The following SAMD5 variants were observed in gnomAD, a reference collection of about 807,000 sequenced individuals.
The protein encoded by SAMD5 is sterile alpha motif domain-containing protein 5.
SAMD5 carries 13 observed loss-of-function variants against 11.3 expected under a neutral mutation model. The ratio of observed to expected loss-of-function variants is 1.15; its 90% CI spans 0.75 to 1.83. SAMD5 has a LOEUF of 1.83. Ranked by LOEUF, SAMD5 falls within the 40% of genes most tolerant of loss-of-function variation. The probability of loss-of-function intolerance (pLI) is 0.00; values close to 1 mark genes in which losing one functional copy is unlikely to be tolerated. For synonymous variants in SAMD5, 129 were observed against 111.3 expected, an observed-to-expected ratio of 1.16 and a Z score of -1.00; for missense variants, 255 against 239.1, an observed-to-expected ratio of 1.07 and a Z score of -0.44.
intron 1 of SAMD5, among the ~76,000 whole-genome samples, chr6:147,608,606 G>T (rs1238527916): frequency 2.0e-5 from 3 of 152,122 alleles, no homozygotes; most frequent in Non-Finnish European, 4.4e-5. Context: ...TTGAACTCAT[G>T]GTTATAGAGA....
the SAMD5 span, among the ~76,000 whole-genome samples, chr6:147,902,103 T>C: frequency 6.6e-6 from 1 of 152,060 alleles, no homozygotes; most frequent in Non-Finnish European, 1.5e-5. Flanking sequence ...ATTGTGGCTT[T>C]CTAATTTAAG....
the SAMD5 span, among the ~76,000 whole-genome samples, chr6:147,857,408 G>A: frequency 7.9e-5 from 12 of 151,730 alleles, no homozygotes; most frequent in South Asian, 4.2e-4. Context: ...TCCAGTGGCC[G>A]TGGTGGGAGG....
At chr6:147,541,138 C>G (rs1379295134) in intron 1 of SAMD5, among the ~76,000 whole-genome samples, 1 of 151,856 alleles carries the variant, frequency 6.6e-6, no homozygotes, top group Non-Finnish European at 1.5e-5. Context: ...TTAGTAGAGA[C>G]AGGGTTTCAC....
the SAMD5 span, among the ~76,000 whole-genome samples, chr6:147,872,009 A>T: frequency 6.6e-6 from 1 of 152,210 alleles, no homozygotes; most frequent in Non-Finnish European, 1.5e-5. Context: ...AGAAAAGGAG[A>T]ACAGTCTTAC....
the SAMD5 span, among the ~76,000 whole-genome samples, chr6:147,812,100 A>C: frequency 2.0e-5 from 3 of 152,190 alleles, no homozygotes; most frequent in African/African-American, 7.2e-5. Context: ...GAGTGACTCC[A>C]GGAAGCAGCA....
intron 1 of SAMD5, among the ~76,000 whole-genome samples, chr6:147,627,323 C>T (rs1024293273): frequency 5.3e-5 from 8 of 152,042 alleles, no homozygotes; most frequent in African/African-American, 1.2e-4. Flanking sequence ...TTTAGAGGAC[C>T]GGGGTGGTGT....
At chr6:147,881,567 C>G in the SAMD5 span, among the ~76,000 whole-genome samples, 4 of 152,194 alleles carry the variant, frequency 2.6e-5, no homozygotes, top group Non-Finnish European at 5.9e-5. Context: ...ATTTTCAGAA[C>G]AAAGCACCAG....
the SAMD5 span, among the ~76,000 whole-genome samples, chr6:147,876,777 T>A: frequency 1.3e-5 from 2 of 152,206 alleles, no homozygotes; most frequent in African/African-American, 4.8e-5. Context: ...TTATTTCTGC[T>A]ACTACCATTA....
chr6:147,632,099 G>T (rs1043276334), intron 1 of SAMD5, among the ~76,000 whole-genome samples: 10 of 152,186 alleles, frequency 6.6e-5, no homozygotes, highest in African/African-American at 2.4e-4. Flanking sequence ...AGAAAAACTT[G>T]CCATGAGGGA....
In SAMD5 at chr6:147,677,203, T is replaced by C. The variant is rs946968265; in HGVS notation, c.163-60114T>C. Among the ~76,000 whole-genome samples, 6 of 152,190 alleles carry C rather than the reference T, an allele frequency of 3.9e-5. 1 individual carries two copies. Among genetic ancestry groups the C allele is most frequent in the East Asian group, 1.9e-4 (1 of 5,156 alleles). On this transcript the variant is annotated intron_variant, in intron 1 of 1. Coordinates refer to the SAMD5 transcript ENST00000566741. Reference sequence around the variant, plus strand: ...GAGTCTGCAAACCCGGACCTCTCTGTATTGGACAAGGCTAGGGAATGACTT... The same window carrying C: ...GAGTCTGCAAACCCGGACCTCTCTGCATTGGACAAGGCTAGGGAATGACTT...
rs867166515 is a variant in SAMD5 at position 147,555,567 on chromosome 6, T to A, written c.460-8827T>A. Among the ~76,000 whole-genome samples the A allele has an allele frequency of 5.3e-5, 8 of 152,334 alleles. No homozygotes were observed. The South Asian group carries it at 1.5e-3, about 28-fold the overall frequency. Reference sequence around the variant, plus strand: ...TACCTTGGGTGGTGATATTAACACATGGAATTTTTAAAATATATTGAATAA... The same window carrying A: ...TACCTTGGGTGGTGATATTAACACAAGGAATTTTTAAAATATATTGAATAA... On this transcript the variant is annotated intron_variant, in intron 1 of 1. Coordinates refer to ENST00000367474, the MANE Select transcript of SAMD5 (RefSeq NM_001030060.3).
In SAMD5 at chr6:147,631,336, A is replaced by G. The variant is rs909488002; in HGVS notation, c.163-105981A>G. On this transcript the variant is annotated intron_variant, in intron 1 of 1. Transcript: ENST00000566741. ...CAGGACATCCAATTAGAGAGTGCCC[A>G]AGGGGGTTCAGCATAATTACTTGCT... 2.6e-5 allele frequency among the ~76,000 whole-genome samples: 4 copies of G among 152,288 alleles called. No individual in the cohort carries two copies. The East Asian group carries it at 7.7e-4, about 29-fold the overall frequency.
chr6:147,605,587 T>C (rs763097247), intron 1 of SAMD5, among the ~76,000 whole-genome samples: 3 of 152,002 alleles, frequency 2.0e-5, no homozygotes, highest in East Asian at 3.9e-4. Context: ...GTACAGAAAA[T>C]AGAGTGAATG....
chr6:147,827,828 G>C, the SAMD5 span, among the ~76,000 whole-genome samples: 1 of 151,248 alleles, frequency 6.6e-6, no homozygotes, highest in East Asian at 2.0e-4. Flanking sequence ...CTCGCTCTGT[G>C]GCCCAGGCTG....
At chr6:147,718,004 T>C (rs1041424617) in intron 1 of SAMD5, among the ~76,000 whole-genome samples, 3 of 152,194 alleles carry the variant, frequency 2.0e-5, no homozygotes, top group Non-Finnish European at 4.4e-5. Context: ...GTAAAAGCAA[T>C]AAATGTTCTT....
intron 1 of SAMD5, among the ~76,000 whole-genome samples, chr6:147,723,121 T>A (rs61325140): frequency 0.18 from 28,106 of 152,162 alleles, 4,361 homozygotes; most frequent in African/African-American, 0.42. Context: ...GGGCCAGTGG[T>A]GTGAGGAGTT....
At chr6:147,732,937 G>A (rs1791739076) in intron 1 of SAMD5, among the ~76,000 whole-genome samples, 2 of 152,172 alleles carry the variant, frequency 1.3e-5, no homozygotes, top group South Asian at 4.1e-4. Context: ...TAATTTAACA[G>A]GTTGTTTTTC....
chr6:147,842,617 ATG>A, the SAMD5 span, among the ~76,000 whole-genome samples: 68 of 152,228 alleles, frequency 4.5e-4, 1 homozygote, highest in African/African-American at 1.6e-3. Context: ...TTGAAATTGA[ATG>A]AAAAAAATGC....
the SAMD5 span, among the ~76,000 whole-genome samples, chr6:147,882,904 T>G: frequency 1.3e-5 from 2 of 152,232 alleles, no homozygotes; most frequent in Admixed American, 6.5e-5. Context: ...GATAAACATT[T>G]CTTGAGAAGA....
Sources: gnomAD v4.1 joint callset for allele counts (sites outside exome capture counted in the v4.1 genomes callset) on GRCh38, gnomAD v4.1.1 for gene constraint, MANE v1.5 for transcripts, NCBI Gene and HGNC (gene_info 2026-07-23, HGNC 2026-07-21) for gene names.